Variants in CACHD1 observed in about 807,000 individuals in gnomAD.
CACHD1 encodes the protein cache domain containing 1.
CACHD1 carries 71 observed loss-of-function variants against 138.7 expected under a neutral mutation model. That is an observed-to-expected ratio of 0.51 (90% CI 0.42 to 0.62). CACHD1 has a LOEUF of 0.62. Among genes scored for constraint, CACHD1 ranks in the 20% least tolerant of loss-of-function variants. CACHD1 has a pLI of 0.00. For synonymous variants in CACHD1, 578 were observed against 591.5 expected (o/e 0.98, Z 0.33); for missense variants, 1,389 against 1,625.3 (o/e 0.85, Z 2.50).
chr1:64,558,045 C>T (rs1272852512), intron 2 of CACHD1, among the ~76,000 whole-genome samples: 1 of 152,178 alleles, frequency 6.6e-6, no homozygotes. Flanking sequence ...GATCCACCCA[C>T]CTCGGCCTCC....
chr1:64,510,321 G>T (rs1387060607), intron 1 of CACHD1, among the ~76,000 whole-genome samples: 1 of 152,278 alleles, frequency 6.6e-6, no homozygotes, highest in African/African-American at 2.4e-5. Flanking sequence ...GAGCCAATGG[G>T]AGCTACAGGG....
chr1:64,666,872 A>AGAGAG (rs146557306), intron 16 of CACHD1, among the ~76,000 whole-genome samples: 1 of 138,022 alleles, frequency 7.2e-6, no homozygotes, highest in East Asian at 2.6e-4. Context: ...AAAAAAAAAA[A>AGAGAG]CGAGAAAGAA....
intron 2 of CACHD1, among the ~76,000 whole-genome samples, chr1:64,575,883 T>TA (rs1646963246): frequency 6.6e-6 from 1 of 152,090 alleles, no homozygotes; most frequent in Admixed American, 6.6e-5. Flanking sequence ...AAAGAGCTTT[T>TA]AAAAAAGGGC....
chr1:64,502,965 A>G (rs79191518), intron 1 of CACHD1, among the ~76,000 whole-genome samples: 1 of 152,196 alleles, frequency 6.6e-6, no homozygotes, highest in East Asian at 1.9e-4. Context: ...AAACTTGGTC[A>G]AAAAGGATAA....
chr1:64,489,135 A>G (rs1017953114), intron 1 of CACHD1, among the ~76,000 whole-genome samples: 11 of 152,146 alleles, frequency 7.2e-5, no homozygotes, highest in African/African-American at 2.7e-4. Context: ...TGTATTTCTT[A>G]TTTATGGCAT....
chr1:64,652,066 G>A, intron 9 of CACHD1, 95 bp from the exon 10 acceptor site: 1 of 1,116,856 alleles, frequency 9.0e-7, no homozygotes, highest in Non-Finnish European at 1.3e-6. Context: ...TGAGACAGCT[G>A]ATAGAAGCCT....
Position 64,482,684 on chromosome 1 carries a change from G to T in CACHD1, c.198+11742G>T, listed in dbSNP as rs72919010. On this transcript the variant is annotated intron_variant, in intron 1 of 26. Coordinates refer to ENST00000651257, the MANE Select transcript of CACHD1 (RefSeq NM_020925.4). ...AAATTTGCCACTTCTGTAGTCTTCA[G>T]GGGGGTTAGCCTGTGTGCTAATTAT... 4.3e-3 allele frequency among the ~76,000 whole-genome samples: 661 copies of T among 152,290 alleles called. 6 individuals are homozygous for T. Among genetic ancestry groups the T allele is most frequent in the African/African-American group, 0.015 (627 of 41,564 alleles).
Position 64,673,202 on chromosome 1 carries a change from C to T in CACHD1, c.2555C>T (p.Thr852Ile). The part of the protein sequence containing the change: ...EDRGYLVAHP[T>I]LIDPKGHAPV... Reference sequence around the variant, plus strand: ...AGGGGTTATCTGGTGGCGCACCCGACTCTCATCGACCCCAAAGGACATGCA... The same window carrying T: ...AGGGGTTATCTGGTGGCGCACCCGATTCTCATCGACCCCAAAGGACATGCA... Residue 852 changes from threonine to isoleucine, a missense_variant, in exon 18 of 27, where the codon ACT (threonine) becomes ATT (isoleucine). Thr to Ile is a moderately conservative substitution (Grantham distance 89). Around this residue, in one of 5 missense-constraint regions of CACHD1, gnomAD observed 1,000 missense variants for 1,114.7 expected, o/e 0.90. Coordinates refer to ENST00000651257, the MANE Select transcript of CACHD1 (RefSeq NM_020925.4). 1 of 1,613,960 alleles carries T rather than the reference C, an allele frequency of 6.2e-7. No individual in the cohort carries two copies. The highest frequency in any genetic ancestry group is 8.5e-7 in the Non-Finnish European group (1 of 1,179,996).
chr1:64,475,340 AT>A (rs888622270), intron 1 of CACHD1, among the ~76,000 whole-genome samples: 4 of 151,402 alleles, frequency 2.6e-5, no homozygotes, highest in African/African-American at 9.7e-5. Context: ...TAATTTTGTA[AT>A]TTTTTGTAGG....
chr1:64,628,591 G>A (rs1349715688), intron 4 of CACHD1, among the ~76,000 whole-genome samples: 1 of 152,190 alleles, frequency 6.6e-6, no homozygotes, highest in Non-Finnish European at 1.5e-5. Context: ...ACGCAGGTCA[G>A]TGGTAGGGAT....
intron 4 of CACHD1, among the ~76,000 whole-genome samples, chr1:64,627,226 G>C (rs112741385): frequency 1.3e-5 from 2 of 152,024 alleles, no homozygotes; most frequent in African/African-American, 4.8e-5. Context: ...GGGCAACACA[G>C]TGACACCCTG....
chr1:64,681,218 G>T (rs370288892), intron 24 of CACHD1, 40 bp from the exon 25 acceptor site: 98 of 1,514,658 alleles, frequency 6.5e-5, no homozygotes, highest in Non-Finnish European at 8.6e-5. Context: ...GATTTTGTTT[G>T]ATTAAATAGT....
At chr1:64,638,579 A>C (rs898397053) in intron 7 of CACHD1, among the ~76,000 whole-genome samples, 9 of 152,178 alleles carry the variant, frequency 5.9e-5, no homozygotes, top group Non-Finnish European at 8.8e-5. Flanking sequence ...TTAGTTGAGG[A>C]TCATAATGAA....
At chr1:64,674,174 G>A (rs927372004) in intron 19 of CACHD1, among the ~76,000 whole-genome samples, 2 of 152,162 alleles carry the variant, frequency 1.3e-5, no homozygotes, top group Non-Finnish European at 2.9e-5. Context: ...ATCCTAAACT[G>A]AGTCTCAAAA....
chr1:64,632,773 A>C (rs1333026859), intron 6 of CACHD1, 30 bp downstream of exon 6: 4 of 1,613,082 alleles, frequency 2.5e-6, no homozygotes, highest in Non-Finnish European at 3.4e-6. Context: ...CCCCTATGGC[A>C]TCAGGTTCTC....
intron 7 of CACHD1, among the ~76,000 whole-genome samples, chr1:64,635,850 G>GC (rs1443314290): frequency 6.6e-6 from 1 of 151,822 alleles, no homozygotes; most frequent in Non-Finnish European, 1.5e-5. Context: ...GGTGGCTCAT[G>GC]CCTGTAATCC....
At chr1:64,536,290 G>T (rs1322460853) in intron 1 of CACHD1, among the ~76,000 whole-genome samples, 1 of 152,192 alleles carries the variant, frequency 6.6e-6, no homozygotes, top group African/African-American at 2.4e-5. Context: ...TAGAGTAAAT[G>T]TGGAGCCAGC....
rs527588950 is a variant in CACHD1 at position 64,555,238 on chromosome 1, C to T, written c.261+4582C>T. Reference sequence around the variant, plus strand: ...TCCTGAGCTCAAGCAATCCACCATCCTTGCCCTCCCCAAAGTACTGCGATT... The same window carrying T: ...TCCTGAGCTCAAGCAATCCACCATCTTTGCCCTCCCCAAAGTACTGCGATT... On this transcript the variant is annotated intron_variant, in intron 2 of 26. Coordinates refer to ENST00000651257, the MANE Select transcript of CACHD1 (RefSeq NM_020925.4). Among the ~76,000 whole-genome samples, 5 of 152,280 alleles carry T rather than the reference C, an allele frequency of 3.3e-5. No individual in the cohort carries two copies. The East Asian group carries it at 9.7e-4, about 29-fold the overall frequency.
rs1649573597 is a variant in CACHD1 at position 64,664,759 on chromosome 1, C to T, written c.2276+80C>T. ...ATGGTAAGTACATACAATAAAGCAA[C>T]TTCAGGGCATTAAACTAAAGAAGAT... On this transcript the variant is annotated intron_variant, in intron 15 of 26. Coordinates refer to ENST00000651257, the MANE Select transcript of CACHD1 (RefSeq NM_020925.4). 3.2e-6 allele frequency: 4 copies of T among 1,266,298 alleles called. No individual in the cohort carries two copies. The South Asian group carries it at 6.2e-5, about 20-fold the overall frequency. The allele number at this position is 1,266,298 out of a possible 1,614,324, so 78.4% of individuals were successfully genotyped here. A position where few individuals can be genotyped will look rare whatever the true frequency, so the allele number is the denominator to read the frequency against.
Sources: gnomAD v4.1 joint callset for allele counts (sites outside exome capture counted in the v4.1 genomes callset) on GRCh38, gnomAD v4.1.1 for gene constraint, gnomAD v4.1.1 regional missense constraint, MANE v1.5 for transcripts, NCBI Gene and HGNC (gene_info 2026-07-23, HGNC 2026-07-21) for gene names.